The following SLC4A4 variants were observed in gnomAD, a reference collection of about 807,000 sequenced individuals.
The protein encoded by SLC4A4 is electrogenic sodium bicarbonate cotransporter 1.
Under a neutral mutation model 111.5 loss-of-function variants are expected in SLC4A4, and 27 were observed. The ratio of observed to expected loss-of-function variants is 0.24; its 90% confidence interval spans 0.18 to 0.33. SLC4A4 has a LOEUF of 0.33. Ranked by LOEUF, SLC4A4 falls within the 10% of genes least tolerant of loss-of-function variation. The probability of loss-of-function intolerance (pLI) is 1.00; values close to 1 mark genes in which losing one functional copy is unlikely to be tolerated. For synonymous variants in SLC4A4, 443 were observed against 463.4 expected (o/e 0.96, Z 0.57); for missense variants, 909 against 1,315.5 (o/e 0.69, Z 4.78).
intron 16 of SLC4A4, among the ~76,000 whole-genome samples, chr4:71,518,587 T>C (rs1732627671): frequency 6.6e-6 from 1 of 152,034 alleles, no homozygotes; most frequent in Non-Finnish European, 1.5e-5. Context: ...GGAGCCTGTA[T>C]TGGCAGGGAC....
intron 7 of SLC4A4, among the ~76,000 whole-genome samples, chr4:71,408,925 G>A (rs1300167315): frequency 6.6e-6 from 1 of 152,150 alleles, no homozygotes; most frequent in Non-Finnish European, 1.5e-5. Flanking sequence ...AATCATGGGG[G>A]CCAGTTTTTC....
intron 2 of SLC4A4, among the ~76,000 whole-genome samples, chr4:71,136,112 C>T (rs1206806604): frequency 6.6e-6 from 1 of 152,166 alleles, no homozygotes; most frequent in African/African-American, 2.4e-5. Flanking sequence ...TAGAGCCAAG[C>T]CCTTTGTGAG....
chr4:71,064,093 A>T (rs538579508), intron 1 of SLC4A4, among the ~76,000 whole-genome samples: 20 of 149,022 alleles, frequency 1.3e-4, no homozygotes, highest in South Asian at 6.2e-4. Flanking sequence ...ATAAAAAATT[A>T]AAAAAAATAG....
At chr4:71,233,522 T>G (rs1161847002) in intron 1 of SLC4A4, among the ~76,000 whole-genome samples, 4 of 152,130 alleles carry the variant, frequency 2.6e-5, no homozygotes, top group African/African-American at 9.7e-5. Flanking sequence ...GCACTTGGTC[T>G]TAGGTCCACT....
intron 2 of SLC4A4, 138 bp downstream of exon 2, chr4:71,236,787 A>G: frequency 1.3e-6 from 1 of 743,052 alleles, no homozygotes; most frequent in Non-Finnish European, 2.3e-6. Flanking sequence ...CAATCTCTAC[A>G]TTTGCTTCAA....
intron 16 of SLC4A4, among the ~76,000 whole-genome samples, chr4:71,523,731 GATTA>G (rs1436814483): frequency 2.0e-5 from 3 of 151,994 alleles, no homozygotes; most frequent in Non-Finnish European, 4.4e-5. Context: ...ACATATGACT[GATTA>G]ATTATTATTT....
intron 1 of SLC4A4, among the ~76,000 whole-genome samples, chr4:71,204,859 T>C (rs1467699322): frequency 6.6e-6 from 1 of 152,176 alleles, no homozygotes; most frequent in South Asian, 2.1e-4. Flanking sequence ...GATGAACTTA[T>C]ATAAAACAAC....
rs141277706 is a variant in SLC4A4 at position 71,461,937 on chromosome 4, G to T, written c.1498-4507G>T. 4.5e-3 allele frequency among the ~76,000 whole-genome samples: 689 copies of T among 152,282 alleles called. 5 individuals are homozygous for T. Among genetic ancestry groups the T allele is most frequent in the African/African-American group, 0.016 (665 of 41,562 alleles). On this transcript the variant is annotated intron_variant, in intron 12 of 25. Coordinates refer to ENST00000264485, the MANE Select transcript of SLC4A4 (RefSeq NM_001098484.3). ...AAAGAAGCGTCTCTTAATGGCCGTA[G>T]TGTTGCCGCCTAAGACTTTTCTGTT...
Position 71,130,217 on chromosome 4 carries a change from C to A in SLC4A4, c.-2+37425C>A, listed in dbSNP as rs1044200856. Reference sequence around the variant, plus strand: ...TCTGACCTCTTCAATTGCCAGAGTTCTCTTGTAATGTTAATTATTTTTTTT... The same window carrying A: ...TCTGACCTCTTCAATTGCCAGAGTTATCTTGTAATGTTAATTATTTTTTTT... On this transcript the variant is annotated intron_variant, in intron 2 of 26. Coordinates refer to the SLC4A4 transcript ENST00000649996. Among the ~76,000 whole-genome samples the A allele has an allele frequency of 2.6e-5, 4 of 152,014 alleles. No homozygotes were observed. The East Asian group carries it at 7.7e-4, about 29-fold the overall frequency.
chr4:71,566,124 A>G (rs975756115), intron 24 of SLC4A4, among the ~76,000 whole-genome samples: 1 of 151,888 alleles, frequency 6.6e-6, no homozygotes, highest in Non-Finnish European at 1.5e-5. Flanking sequence ...TTGAAGAACA[A>G]AGAACTAAAG....
chr4:71,385,920 A>T (rs941805523), intron 6 of SLC4A4, among the ~76,000 whole-genome samples: 10 of 152,142 alleles, frequency 6.6e-5, no homozygotes, highest in Middle Eastern at 6.8e-3. Flanking sequence ...GAGACCATAT[A>T]TCTCTTTTTT....
chr4:71,416,921 AT>A (rs992631328), intron 7 of SLC4A4, among the ~76,000 whole-genome samples: 1 of 152,222 alleles, frequency 6.6e-6, no homozygotes, highest in East Asian at 1.9e-4. Context: ...TCAGCAGGGA[AT>A]TTTTTTAAAC....
chr4:71,101,615 T>C (rs749123694), intron 2 of SLC4A4, among the ~76,000 whole-genome samples: 24 of 152,178 alleles, frequency 1.6e-4, no homozygotes, highest in Non-Finnish European at 3.2e-4. Context: ...CCCTGACCCC[T>C]GACCCCCGAG....
chr4:71,529,897 A>G (rs1733763887), intron 16 of SLC4A4, among the ~76,000 whole-genome samples: 1 of 152,136 alleles, frequency 6.6e-6, no homozygotes, highest in East Asian at 1.9e-4. Flanking sequence ...CTGGTCCTCC[A>G]GTGATTTATG....
chr4:71,376,154 T>TACACAC (rs1280052167), intron 6 of SLC4A4, among the ~76,000 whole-genome samples: 1,236 of 54,974 alleles, frequency 0.022, 8 homozygotes, highest in Middle Eastern at 0.082. Context: ...TACCTGTATA[T>TACACAC]ATACACACAC....
At chr4:71,394,511 G>A (rs1719614112) in intron 6 of SLC4A4, among the ~76,000 whole-genome samples, 1 of 152,172 alleles carries the variant, frequency 6.6e-6, no homozygotes, top group Admixed American at 6.6e-5. Context: ...GTAAATGTTG[G>A]TGTGGATGGC....
intron 3 of SLC4A4, among the ~76,000 whole-genome samples, chr4:71,257,418 A>G (rs1374973858): frequency 1.3e-5 from 2 of 152,218 alleles, no homozygotes; most frequent in African/African-American, 4.8e-5. Flanking sequence ...CCAATTTGAC[A>G]TGAAGATTCT....
chr4:71,365,034 T>C lies in SLC4A4; in HGVS notation c.730+7847T>C, dbSNP rs545719251. On this transcript the variant is annotated intron_variant, in intron 6 of 25. Transcript: ENST00000264485. ...TTCTAGTATTTTTAAATTTAGAGTATAAAGATTGATCATTATGTCTAAGTA... is the reference window on the plus strand; with the variant it reads ...TTCTAGTATTTTTAAATTTAGAGTACAAAGATTGATCATTATGTCTAAGTA... 3.9e-5 allele frequency among the ~76,000 whole-genome samples: 6 copies of C among 152,300 alleles called. No homozygotes were observed. The South Asian group carries it at 1.2e-3, about 32-fold the overall frequency.
intron 2 of SLC4A4, among the ~76,000 whole-genome samples, chr4:71,142,540 C>A (rs1744027853): frequency 6.6e-6 from 1 of 152,194 alleles, no homozygotes; most frequent in African/African-American, 2.4e-5. Flanking sequence ...TGAGAAAGGT[C>A]TCACTCTGTT....
Sources: allele counts gnomAD v4.1 joint callset (sites outside exome capture counted in the v4.1 genomes callset), GRCh38; gene constraint gnomAD v4.1.1; transcripts MANE v1.5; gene names NCBI Gene and HGNC (gene_info 2026-07-23, HGNC 2026-07-21).